CD80: variants seen among roughly 807,000 people sequenced by gnomAD.
CD80 encodes CD80 molecule.
A neutral mutation model predicts 27.1 loss-of-function variants in CD80; 13 were observed. That is an observed-to-expected ratio of 0.48 (90% CI 0.31 to 0.76). The LOEUF (loss-of-function observed/expected upper bound fraction) is 0.76, where lower values mean the gene tolerates loss of function less well. Among genes scored for constraint, CD80 ranks in the 30% least tolerant of loss-of-function variants. The pLI is 0.04. For missense variants in CD80, 277 were observed against 347.9 expected (o/e 0.80, Z 1.62); for synonymous variants, 125 against 125.5 (o/e 1.00, Z 0.03).
At chr3:119,547,965 A>ATCTT in intron 2 of CD80, among the ~76,000 whole-genome samples, 1 of 149,934 alleles carries the variant, frequency 6.7e-6, no homozygotes, top group Non-Finnish European at 1.5e-5. Context: ...AAGACGACAC[A>ATCTT]TCTTTCTTTC....
chr3:119,559,097 C>T (rs981882041), intron 1 of CD80, among the ~76,000 whole-genome samples: 14 of 152,170 alleles, frequency 9.2e-5, no homozygotes, highest in South Asian at 2.1e-4. Flanking sequence ...AGTGCAGTGG[C>T]GTGACCATAG....
intron 3 of CD80, among the ~76,000 whole-genome samples, chr3:119,539,426 A>G (rs534461685): frequency 1.3e-5 from 2 of 152,254 alleles, no homozygotes; most frequent in East Asian, 3.9e-4. Flanking sequence ...GAAATTAAAA[A>G]AAAAAAAAGT....
chr3:119,554,085 A>G (rs914909835), intron 2 of CD80, among the ~76,000 whole-genome samples: 7 of 152,010 alleles, frequency 4.6e-5, no homozygotes, highest in African/African-American at 1.2e-4. Flanking sequence ...CTGCTCATAT[A>G]CTCTGTACCA....
Position 119,545,477 on chromosome 3 carries a change from A to G in CD80, c.101-610T>C, listed in dbSNP as rs76316044. On this transcript the variant is annotated intron_variant, in intron 2 of 6. Coordinates refer to ENST00000264246, the MANE Select transcript of CD80 (RefSeq NM_005191.4). ...GAAATTTTCATTTTGCAAATCTGAA[A>G]CTCTATGCCCATTAAACAACTCCCC... is the stretch of plus-strand genomic sequence containing the variant. Among the ~76,000 whole-genome samples, 107 of 152,148 alleles carry G rather than the reference A, an allele frequency of 7.0e-4. 3 individuals carry two copies. In the East Asian group the frequency reaches 0.018, roughly 26 times the overall value.
intron 2 of CD80, among the ~76,000 whole-genome samples, chr3:119,546,815 A>AACACACACACACAC (rs10661634): frequency 0.023 from 3,373 of 149,320 alleles, 43 homozygotes; most frequent in Non-Finnish European, 0.026. Context: ...GTGATGCAAC[A>AACACACACACACAC]ACACACACAC....
intron 3 of CD80, among the ~76,000 whole-genome samples, chr3:119,541,509 T>A (rs528441165): frequency 4.6e-5 from 7 of 152,340 alleles, no homozygotes; most frequent in South Asian, 2.1e-4. Context: ...CCTTTGGTTC[T>A]GAGCAAAGAG....
intron 3 of CD80, among the ~76,000 whole-genome samples, chr3:119,543,221 T>G (rs1474930121): frequency 6.6e-6 from 1 of 152,258 alleles, no homozygotes; most frequent in Non-Finnish European, 1.5e-5. Flanking sequence ...CTTGATGAAT[T>G]GGCTCTATCT....
intron 2 of CD80, among the ~76,000 whole-genome samples, chr3:119,548,486 A>G (rs13076456): frequency 0.099 from 15,085 of 152,246 alleles, 985 homozygotes; most frequent in Non-Finnish European, 0.14. Flanking sequence ...TATGAAAGTC[A>G]TAGTAAGGAA....
chr3:119,558,494 G>C (rs1368912889), intron 1 of CD80, among the ~76,000 whole-genome samples: 1 of 152,212 alleles, frequency 6.6e-6, no homozygotes. Flanking sequence ...CAGGCGTGGT[G>C]GCTCACGCCT....
At position 119,537,978 on chromosome 3, in the gene CD80, C is replaced by T. The variant is rs113467154; in HGVS notation, c.419-560G>A. Among the ~76,000 whole-genome samples, 56 of 152,172 alleles carry T rather than the reference C, an allele frequency of 3.7e-4. 1 individual carries two copies. Among genetic ancestry groups the T allele is most frequent in the African/African-American group, 1.3e-3 (56 of 41,532 alleles). Reference sequence around the variant, plus strand: ...TTATTACAGAAAGGAGAAGTAGGTTCGTGTGAATAAATGTTGCCAGAGTAC... The same window carrying T: ...TTATTACAGAAAGGAGAAGTAGGTTTGTGTGAATAAATGTTGCCAGAGTAC... On this transcript the variant is annotated intron_variant, in intron 3 of 6. Coordinates refer to ENST00000264246, the MANE Select transcript of CD80 (RefSeq NM_005191.4).
intron 2 of CD80, among the ~76,000 whole-genome samples, chr3:119,550,977 G>A (rs1553783851): frequency 6.6e-6 from 1 of 152,066 alleles, no homozygotes; most frequent in Non-Finnish European, 1.5e-5. Context: ...TGCCTGATTT[G>A]TTTCTCTTCA....
rs11916344 is a variant in CD80 at position 119,524,305 on chromosome 3, C to G, written c.*1483G>C. ...AAGTAGATCAGCATTATTAAAGAAA[C>G]GGTTCAACTTTGTTTCTTCCCTTAG... On this transcript the variant is annotated 3_prime_UTR_variant, in exon 7 of 7. Coordinates refer to ENST00000264246, the MANE Select transcript of CD80 (RefSeq NM_005191.4). The G allele has an allele frequency of 6.6e-6, 1 of 152,084 alleles. No homozygotes were observed. Among genetic ancestry groups the G allele is most frequent in the African/African-American group, 2.4e-5 (1 of 41,378 alleles). The allele number at this position is 152,084 out of a possible 1,614,324, so 9.4% of individuals were successfully genotyped here.
intron 2 of CD80, among the ~76,000 whole-genome samples, chr3:119,552,663 C>T (rs2082239952): frequency 6.6e-6 from 1 of 151,892 alleles, no homozygotes; most frequent in Non-Finnish European, 1.5e-5. Flanking sequence ...TAGCAAAAAC[C>T]CCATCGCTAC....
chr3:119,552,243 C>A (rs2082236767), intron 2 of CD80, among the ~76,000 whole-genome samples: 1 of 152,058 alleles, frequency 6.6e-6, no homozygotes, highest in Non-Finnish European at 1.5e-5. Flanking sequence ...AATCCCAGCA[C>A]TTTGGGAGGC....
Position 119,544,857 on chromosome 3 carries a change from G to A in CD80, c.111C>T (p.His37=), listed in dbSNP as rs775093170. 29 of 1,613,412 alleles carry A rather than the reference G, an allele frequency of 1.8e-5. No homozygotes were observed. Among genetic ancestry groups the A allele is most frequent in the Admixed American group, 8.3e-5 (5 of 59,984 alleles). ...CCACTTCTTTCACTTCCTTGGTCACGTGGATAACACCTATGGAGAGGCAAA... is the reference window on the plus strand; with the variant it reads ...CCACTTCTTTCACTTCCTTGGTCACATGGATAACACCTATGGAGAGGCAAA... The part of the protein sequence containing the change: ...GLSHFCSGVI[H]VTKEVKEVAT... Residue 37 remains histidine, a synonymous_variant, in exon 3 of 7, where the codon CAC becomes CAT. Transcript: ENST00000264246.
intron 6 of CD80, among the ~76,000 whole-genome samples, chr3:119,526,144 G>A (rs1049027198): frequency 3.9e-5 from 6 of 152,270 alleles, no homozygotes; most frequent in Non-Finnish European, 5.9e-5. Flanking sequence ...ACTCTTCTAT[G>A]TGTGGGGCTC....
At position 119,543,715 on chromosome 3, in the gene CD80, C is replaced by T. The variant is rs1008408646; in HGVS notation, c.418+835G>A. 3.9e-5 allele frequency among the ~76,000 whole-genome samples: 6 copies of T among 151,946 alleles called. 1 individual carries two copies. The highest frequency in any genetic ancestry group is 3.9e-4 in the East Asian group (2 of 5,178). ...TTGGCCTCCCAAAGTGCTGAGCCACCGCACCTGGCCCAATTCTCTAACATC... is the reference window on the plus strand; with the variant it reads ...TTGGCCTCCCAAAGTGCTGAGCCACTGCACCTGGCCCAATTCTCTAACATC... On this transcript the variant is annotated intron_variant, in intron 3 of 6. Transcript: ENST00000264246.
At chr3:119,558,539 G>C (rs2082276295) in intron 1 of CD80, among the ~76,000 whole-genome samples, 4 of 152,108 alleles carry the variant, frequency 2.6e-5, no homozygotes, top group Admixed American at 2.6e-4. Flanking sequence ...GAGGTGGGCG[G>C]ATTACTTGAG....
chr3:119,553,388 T>C (rs2629403), intron 2 of CD80, among the ~76,000 whole-genome samples: 116,315 of 152,084 alleles, frequency 0.76, 45,521 homozygotes, highest in African/African-American at 0.93. Context: ...GATCCACCCA[T>C]CTCGGCCTCC....
Sources: allele counts gnomAD v4.1 joint callset (sites outside exome capture counted in the v4.1 genomes callset), GRCh38; gene constraint gnomAD v4.1.1; transcripts MANE v1.5; gene names NCBI Gene and HGNC (gene_info 2026-07-23, HGNC 2026-07-21).